Variants in CSTPP1 observed in about 807,000 individuals in gnomAD.
The protein encoded by CSTPP1 is centriolar satellite-associated tubulin polyglutamylase complex regulator 1.
the CSTPP1 span, among the ~76,000 whole-genome samples, chr11:47,022,266 A>T: frequency 6.6e-6 from 1 of 151,222 alleles, no homozygotes; most frequent in Non-Finnish European, 1.5e-5. Flanking sequence ...TTGTAAATGA[A>T]TTTGATGTCT....
At chr11:47,136,185 C>T in the CSTPP1 span, among the ~76,000 whole-genome samples, 1 of 152,214 alleles carries the variant, frequency 6.6e-6, no homozygotes, top group Admixed American at 6.5e-5. Flanking sequence ...ACTCCCTGCC[C>T]TGCCAGAAAT....
the CSTPP1 span, among the ~76,000 whole-genome samples, chr11:46,953,151 G>A: frequency 6.6e-6 from 1 of 152,096 alleles, no homozygotes. Flanking sequence ...CAGGTTGTTA[G>A]TGGCATTAAG....
the CSTPP1 span, among the ~76,000 whole-genome samples, chr11:46,956,063 T>C: frequency 7.0e-6 from 1 of 142,616 alleles, no homozygotes; most frequent in Non-Finnish European, 1.5e-5. Flanking sequence ...GGATGGAGGG[T>C]TTTCCTAGCT....
chr11:47,124,630 G>A, the CSTPP1 span, among the ~76,000 whole-genome samples: 326 of 152,028 alleles, frequency 2.1e-3, no homozygotes, highest in African/African-American at 7.6e-3. Flanking sequence ...TTATTTATAC[G>A]TGAGGCATGA....
chr11:47,019,012 A>AT, the CSTPP1 span, among the ~76,000 whole-genome samples: 192 of 145,852 alleles, frequency 1.3e-3, 1 homozygote, highest in Admixed American at 3.3e-3. Flanking sequence ...GCAAAAGTTT[A>AT]TTTTTTTTTT....
At chr11:47,063,932 A>G in the CSTPP1 span, among the ~76,000 whole-genome samples, 1 of 152,170 alleles carries the variant, frequency 6.6e-6, no homozygotes, top group East Asian at 1.9e-4. Flanking sequence ...ATCATTTTAC[A>G]TTCTCACCAG....
the CSTPP1 span, among the ~76,000 whole-genome samples, chr11:46,982,531 C>T: frequency 9.9e-5 from 15 of 152,086 alleles, no homozygotes; most frequent in African/African-American, 3.4e-4. Flanking sequence ...AATAGGACCC[C>T]TTATCATTTA....
At chr11:47,019,304 C>A in the CSTPP1 span, among the ~76,000 whole-genome samples, 2 of 152,214 alleles carry the variant, frequency 1.3e-5, no homozygotes, top group Non-Finnish European at 1.5e-5. Context: ...AGCCACCGCA[C>A]CTGGCCTGGA....
chr11:47,118,950 G>C, the CSTPP1 span, among the ~76,000 whole-genome samples: 1 of 152,348 alleles, frequency 6.6e-6, no homozygotes, highest in South Asian at 2.1e-4. Context: ...TCCTTTCTCA[G>C]AGCTCAAACG....
chr11:47,067,318 GTATAT>G, the CSTPP1 span, among the ~76,000 whole-genome samples: 1 of 152,068 alleles, frequency 6.6e-6, no homozygotes, highest in African/African-American at 2.4e-5. Flanking sequence ...AAAAATAAAT[GTATAT>G]TATAACATCA....
At chr11:47,119,848 T>A in the CSTPP1 span, among the ~76,000 whole-genome samples, 1 of 152,148 alleles carries the variant, frequency 6.6e-6, no homozygotes, top group African/African-American at 2.4e-5. Flanking sequence ...TGACCTCAGA[T>A]GATCTGCCCA....
chr11:47,007,602 TTC>T, the CSTPP1 span, among the ~76,000 whole-genome samples: 7 of 152,180 alleles, frequency 4.6e-5, no homozygotes, highest in African/African-American at 1.7e-4. Context: ...GTGGGTCTGT[TTC>T]TGTTTTCTGT....
chr11:47,069,698 G>A, the CSTPP1 span, among the ~76,000 whole-genome samples: 1 of 151,938 alleles, frequency 6.6e-6, no homozygotes, highest in Admixed American at 6.6e-5. Context: ...TGTTGTTGCT[G>A]TTTATTTTAT....
At chr11:46,973,829 G>T in the CSTPP1 span, among the ~76,000 whole-genome samples, 3 of 143,682 alleles carry the variant, frequency 2.1e-5, no homozygotes, top group African/African-American at 8.6e-5. Flanking sequence ...TGTGTGTGTT[G>T]AAGAGGGTAA....
chr11:46,977,838 G>C, the CSTPP1 span, among the ~76,000 whole-genome samples: 1 of 152,142 alleles, frequency 6.6e-6, no homozygotes. Flanking sequence ...AACATAATGA[G>C]GCTCTTAGTA....
the CSTPP1 span, among the ~76,000 whole-genome samples, chr11:46,964,940 G>A: frequency 6.6e-6 from 1 of 152,176 alleles, no homozygotes; most frequent in Admixed American, 6.5e-5. Context: ...AACCATGTGT[G>A]GGAAAACAGG....
the CSTPP1 span, among the ~76,000 whole-genome samples, chr11:47,074,286 G>A: frequency 6.6e-6 from 1 of 151,984 alleles, no homozygotes; most frequent in Admixed American, 6.6e-5. Flanking sequence ...GATTGCTTGA[G>A]CCCAAGAATT....
At chr11:46,976,407 AC>A in the CSTPP1 span, among the ~76,000 whole-genome samples, 1 of 151,722 alleles carries the variant, frequency 6.6e-6, no homozygotes, top group African/African-American at 2.4e-5. Context: ...ACACACACAC[AC>A]ACACACACAC....
the CSTPP1 span, among the ~76,000 whole-genome samples, chr11:47,038,165 C>T: frequency 1.2e-5 from 1 of 85,216 alleles, no homozygotes; most frequent in South Asian, 5.1e-4. Flanking sequence ...GACCCCCCCA[C>T]CTCCCTCCCA....
Sources: allele counts gnomAD v4.1 joint callset (sites outside exome capture counted in the v4.1 genomes callset), GRCh38; gene constraint gnomAD v4.1.1; transcripts MANE v1.5; gene names NCBI Gene and HGNC (gene_info 2026-07-23, HGNC 2026-07-21).